NAV2: variants seen among roughly 807,000 people sequenced by gnomAD.
The protein encoded by NAV2 is neuron navigator 2.
NAV2 carries 54 observed loss-of-function variants against 223.2 expected under a neutral mutation model. The ratio of observed to expected loss-of-function variants is 0.24; its 90% CI spans 0.19 to 0.30. The LOEUF (loss-of-function observed/expected upper bound fraction) is 0.30. NAV2 is among the 10% of genes least tolerant of loss of function. The probability of loss-of-function intolerance (pLI) is 1.00; values close to 1 mark genes in which losing one functional copy is unlikely to be tolerated. For synonymous variants in NAV2, 1,279 were observed against 1,239.3 expected, an observed-to-expected ratio of 1.03 and a Z score of -0.67; for missense variants, 2,806 against 3,147.5, an observed-to-expected ratio of 0.89 and a Z score of 2.60.
In NAV2 at chr11:19,944,968, G is replaced by A. The variant is rs145376513; in HGVS notation, c.2147-1433G>A. Among the ~76,000 whole-genome samples the A allele has an allele frequency of 2.2e-3, 226 of 101,576 alleles. 3 individuals carry two copies. Among genetic ancestry groups the A allele is most frequent in the African/African-American group, 3.7e-3 (95 of 25,924 alleles). 66.6% of individuals were successfully genotyped at this position (101,576 alleles called of 152,430 possible). On this transcript the variant is annotated intron_variant, in intron 8 of 37. Coordinates refer to ENST00000349880, the MANE Select transcript of NAV2 (RefSeq NM_145117.5). ...CCCTTTCCTCTTTCCTTTCCGTTCC[G>A]TTCCTTTTCTTTCCCTTTCCCTTTC... is the stretch of plus-strand genomic sequence containing the variant.
intron 1 of NAV2, among the ~76,000 whole-genome samples, chr11:19,485,290 C>T (rs1180488211): frequency 6.6e-6 from 1 of 152,134 alleles, no homozygotes; most frequent in Non-Finnish European, 1.5e-5. Context: ...TTATCCAAGG[C>T]TCTGTCTAGC....
chr11:19,481,685 T>A (rs1265902931), intron 1 of NAV2, among the ~76,000 whole-genome samples: 2 of 152,206 alleles, frequency 1.3e-5, no homozygotes, highest in Non-Finnish European at 2.9e-5. Context: ...TAGTAAACAG[T>A]CTGTATGTAG....
At chr11:19,411,482 C>T (rs887353008) in intron 1 of NAV2, among the ~76,000 whole-genome samples, 2 of 152,138 alleles carry the variant, frequency 1.3e-5, no homozygotes, top group African/African-American at 2.4e-5. Flanking sequence ...CTTTCTTCCA[C>T]CTCCTGTAAA....
chr11:19,956,378 A>G (rs1414072061), intron 10 of NAV2, among the ~76,000 whole-genome samples: 1 of 150,366 alleles, frequency 6.7e-6, no homozygotes, highest in African/African-American at 2.5e-5. Flanking sequence ...ACACACACAC[A>G]CACACACACA....
At chr11:19,967,409 T>G (rs2048860086) in intron 10 of NAV2, among the ~76,000 whole-genome samples, 1 of 151,586 alleles carries the variant, frequency 6.6e-6, no homozygotes, top group East Asian at 1.9e-4. Context: ...AGGTTTTTTT[T>G]TAGGAACAGG....
At chr11:20,010,278 G>A (rs1276246676) in intron 11 of NAV2, among the ~76,000 whole-genome samples, 1 of 152,134 alleles carries the variant, frequency 6.6e-6, no homozygotes, top group Non-Finnish European at 1.5e-5. Flanking sequence ...AGGACTGGGG[G>A]GAAAATGGAA....
At chr11:19,957,305 A>C (rs1416877387) in intron 10 of NAV2, among the ~76,000 whole-genome samples, 2 of 152,192 alleles carry the variant, frequency 1.3e-5, no homozygotes, top group East Asian at 3.8e-4. Flanking sequence ...AGAAATCATA[A>C]ATACTTTTCC....
At chr11:19,410,542 T>A (rs1019929097) in intron 1 of NAV2, among the ~76,000 whole-genome samples, 3 of 152,186 alleles carry the variant, frequency 2.0e-5, no homozygotes, top group African/African-American at 7.2e-5. Flanking sequence ...ACCCAGGGGA[T>A]TTGGCTCTAG....
At chr11:19,382,490 C>T (rs1342258060) in intron 1 of NAV2, among the ~76,000 whole-genome samples, 2 of 152,166 alleles carry the variant, frequency 1.3e-5, no homozygotes, top group African/African-American at 4.8e-5. Context: ...GCCAGATGCT[C>T]CGGCAGCCCA....
At chr11:20,019,062 G>T (rs2054260403) in intron 11 of NAV2, among the ~76,000 whole-genome samples, 1 of 152,178 alleles carries the variant, frequency 6.6e-6, no homozygotes, top group East Asian at 1.9e-4. Context: ...TAAGTTCCCT[G>T]GGAAGCTATC....
chr11:19,767,610 G>A (rs544054057), intron 1 of NAV2, among the ~76,000 whole-genome samples: 1 of 152,332 alleles, frequency 6.6e-6, no homozygotes, highest in African/African-American at 2.4e-5. Flanking sequence ...AATGAGCACT[G>A]ATCATGTGAC....
intron 14 of NAV2, among the ~76,000 whole-genome samples, chr11:20,048,456 G>A (rs2057678070): frequency 1.3e-5 from 2 of 152,212 alleles, no homozygotes; most frequent in Admixed American, 6.5e-5. Flanking sequence ...GAATAGGCCT[G>A]TAGAAAATTA....
Position 20,024,742 on chromosome 11 carries a change from T to A in NAV2, c.2769-11217T>A, listed in dbSNP as rs184200589. ...TCCCTTGGCTGCCCTGGGGCAACTGTGGTTCTGTTTTGTGCATTCAGGTTC... is the reference window on the plus strand; with the variant it reads ...TCCCTTGGCTGCCCTGGGGCAACTGAGGTTCTGTTTTGTGCATTCAGGTTC... On this transcript the variant is annotated intron_variant, in intron 11 of 37. Coordinates refer to ENST00000349880, the MANE Select transcript of NAV2 (RefSeq NM_145117.5). Among the ~76,000 whole-genome samples, 731 of 152,264 alleles carry A rather than the reference T, an allele frequency of 4.8e-3. 3 individuals carry two copies. Among genetic ancestry groups the A allele is most frequent in the African/African-American group, 0.017 (706 of 41,562 alleles).
At chr11:19,706,121 T>C (rs2049654953) in intron 1 of NAV2, among the ~76,000 whole-genome samples, 1 of 152,228 alleles carries the variant, frequency 6.6e-6, no homozygotes, top group Non-Finnish European at 1.5e-5. Context: ...TCCACTGATA[T>C]GATTTATTTA....
At chr11:19,526,689 G>A (rs1229662935) in intron 1 of NAV2, among the ~76,000 whole-genome samples, 1 of 151,932 alleles carries the variant, frequency 6.6e-6, no homozygotes, top group Admixed American at 6.6e-5. Context: ...GGATGGCTGG[G>A]GAAGCTCTCC....
chr11:19,515,345 T>G (rs1228642508), intron 1 of NAV2, among the ~76,000 whole-genome samples: 1 of 152,218 alleles, frequency 6.6e-6, no homozygotes, highest in Admixed American at 6.5e-5. Context: ...AATATTATAT[T>G]CCATGCCTGA....
At chr11:19,972,802 G>A (rs747505507) in intron 10 of NAV2, among the ~76,000 whole-genome samples, 1 of 152,176 alleles carries the variant, frequency 6.6e-6, no homozygotes, top group Non-Finnish European at 1.5e-5. Flanking sequence ...CTCAAGGACT[G>A]AGTCTGATTT....
intron 6 of NAV2, among the ~76,000 whole-genome samples, chr11:19,916,046 G>C (rs186201599): frequency 1.3e-5 from 2 of 152,162 alleles, no homozygotes; most frequent in Non-Finnish European, 2.9e-5. Flanking sequence ...CTACTTCATA[G>C]GGTTATTGTG....
intron 6 of NAV2, among the ~76,000 whole-genome samples, chr11:19,918,601 C>T (rs1026664055): frequency 2.0e-5 from 3 of 152,114 alleles, no homozygotes; most frequent in Non-Finnish European, 2.9e-5. Context: ...TAGATATGCC[C>T]CTGGAATTCC....
Sources: allele counts gnomAD v4.1 joint callset (sites outside exome capture counted in the v4.1 genomes callset), GRCh38; gene constraint gnomAD v4.1.1; transcripts MANE v1.5; gene names NCBI Gene and HGNC (gene_info 2026-07-23, HGNC 2026-07-21).